The following C9 variants were observed in gnomAD, a reference collection of about 807,000 sequenced individuals.
C9 encodes complement component C9.
Under a neutral mutation model 65.4 loss-of-function variants are expected in C9, and 63 were observed. The observed-to-expected ratio is 0.96, with a 90% CI of 0.79 to 1.19. C9 has a LOEUF of 1.19. C9 is among the 50% of genes most tolerant of loss of function. The pLI, the probability that C9 is intolerant of heterozygous loss-of-function variation, is 0.00. For missense variants in C9, 744 were observed against 670.1 expected, an observed-to-expected ratio of 1.11 and a Z score of -1.22; for synonymous variants, 229 against 227.9, an observed-to-expected ratio of 1.00 and a Z score of -0.04.
At chr5:39,306,483 T>C (rs934210794) in intron 9 of C9, 134 bp downstream of exon 9, 63 of 758,360 alleles carry the variant, frequency 8.3e-5, no homozygotes, top group Non-Finnish European at 1.3e-4. Flanking sequence ...CCATGCCTCC[T>C]TTTGGGGAAG....
At chr5:39,359,073 TG>T (rs1310572053) in intron 1 of C9, among the ~76,000 whole-genome samples, 1 of 120,632 alleles carries the variant, frequency 8.3e-6, no homozygotes, top group Non-Finnish European at 1.7e-5. Context: ...TATATATATG[TG>T]TGTGTATATA....
chr5:39,289,533 C>G (rs955160558), intron 9 of C9, among the ~76,000 whole-genome samples: 4 of 151,754 alleles, frequency 2.6e-5, no homozygotes, highest in Non-Finnish European at 4.4e-5. Context: ...GAGATTCCTC[C>G]AGAATAGAAA....
chr5:39,331,838 A>G (rs1753846335), intron 4 of C9, 24 bp from the exon 5 acceptor site: 2 of 1,609,942 alleles, frequency 1.2e-6, no homozygotes, highest in African/African-American at 1.3e-5. Flanking sequence ...GAGTAGTATC[A>G]GAAGTGGAAA....
intron 10 of C9, among the ~76,000 whole-genome samples, chr5:39,287,681 G>A (rs1753015692): frequency 6.6e-6 from 1 of 151,982 alleles, no homozygotes; most frequent in African/African-American, 2.4e-5. Context: ...GAGCAACATG[G>A]TTGGAGCTGG....
intron 7 of C9, 60 bp downstream of exon 7, chr5:39,311,077 G>A (rs1753473480): frequency 4.4e-6 from 7 of 1,582,316 alleles, no homozygotes; most frequent in African/African-American, 2.7e-5. Flanking sequence ...ACAGGTTGGT[G>A]AACAAAATAA....
chr5:39,341,147 C>T lies in C9; in HGVS notation c.475G>A (p.Gly159Arg), dbSNP rs756265565. The stretch of plus-strand genomic sequence containing the variant: ...AAAAAGTACAAGTAAAATACACACC[C>T]ATAGCCTGCTGTTCGTGCCAGCTCA... ...ESELARTAGY[G>R]INILGMDPLS... The change falls in exon 4 of 11, where the codon GGG becomes AGG. Residue 159 changes from glycine to arginine, a missense_variant and splice_region_variant. Gly to Arg is a moderately radical substitution (Grantham distance 125). Coordinates refer to ENST00000263408, the MANE Select transcript of C9 (RefSeq NM_001737.5). 7 of 1,614,150 alleles carry T rather than the reference C, an allele frequency of 4.3e-6. No homozygotes were observed. The highest frequency in any genetic ancestry group is 1.7e-5 in the Admixed American group (1 of 60,018).
intron 4 of C9, among the ~76,000 whole-genome samples, chr5:39,334,176 T>C (rs537300439): frequency 1.3e-5 from 2 of 150,854 alleles, no homozygotes; most frequent in African/African-American, 4.9e-5. Context: ...GGAGCGCCTC[T>C]TCCCGGCCGC....
chr5:39,311,016 T>G (rs1490490803), intron 7 of C9, 121 bp downstream of exon 7: 1 of 1,113,088 alleles, frequency 9.0e-7, no homozygotes, highest in Non-Finnish European at 1.4e-6. Flanking sequence ...GAGAGTCCTC[T>G]CAAAGGAGCA....
chr5:39,362,480 G>A (rs975245233), intron 1 of C9, among the ~76,000 whole-genome samples: 1 of 152,112 alleles, frequency 6.6e-6, no homozygotes, highest in Non-Finnish European at 1.5e-5. Context: ...AGGGAGCACG[G>A]CCCTGCCAAC....
chr5:39,288,722 C>T lies in C9; in HGVS notation c.1645+1G>A, dbSNP rs768266758. 3 of 1,577,032 alleles carry T rather than the reference C, an allele frequency of 1.9e-6. No homozygotes were observed. The highest frequency in any genetic ancestry group is 2.7e-5 in the African/African-American group (2 of 74,040). ...AATCACATCAAATAAATTGTCCTCA[C>T]CTTCAGAAATTTTTTGTTTACTGAT... On this transcript the variant is annotated splice_donor_variant, in intron 10 of 10. Transcript: ENST00000263408. LOFTEE classifies it high-confidence loss of function.
chr5:39,300,431 AAAG>A (rs1200384047), intron 9 of C9, among the ~76,000 whole-genome samples: 5 of 152,114 alleles, frequency 3.3e-5, no homozygotes, highest in African/African-American at 9.7e-5. Context: ...AACAAAAAGA[AAAG>A]AAGCAAAAAG....
intron 4 of C9, 58 bp from the exon 5 acceptor site, chr5:39,331,872 C>T (rs1753847350): frequency 6.7e-7 from 1 of 1,482,780 alleles, no homozygotes; most frequent in South Asian, 1.1e-5. Flanking sequence ...TGCAAGGCAG[C>T]CCTCTGTAGC....
rs529792105 is a variant in C9 at position 39,306,849 on chromosome 5, T to A, written c.1241-57A>T. 2.5e-6 allele frequency: 3 copies of A among 1,197,334 alleles called. No homozygotes were observed. In the South Asian group the frequency reaches 3.6e-5, roughly 15 times the overall value. The allele number at this position is 1,197,334 out of a possible 1,614,324, so 74.2% of individuals were successfully genotyped here. A position where few individuals can be genotyped will look rare whatever the true frequency, so the allele number is the denominator to read the frequency against. On this transcript the variant is annotated intron_variant, in intron 8 of 10. Transcript: ENST00000263408. The stretch of plus-strand genomic sequence containing the variant: ...AGAAGAAGTTTAAAGAGAAGCCAGT[T>A]ATCAAAAGGACATATGATAAACATT...
intron 9 of C9, among the ~76,000 whole-genome samples, chr5:39,292,242 A>C (rs571002243): frequency 6.6e-6 from 1 of 151,666 alleles, no homozygotes; most frequent in Non-Finnish European, 1.5e-5. Context: ...CTACAAGCAG[A>C]AGGTCAAAGA....
chr5:39,299,514 G>A (rs767880681), intron 9 of C9, among the ~76,000 whole-genome samples: 3 of 152,102 alleles, frequency 2.0e-5, no homozygotes, highest in Non-Finnish European at 2.9e-5. Flanking sequence ...CAATGAAAAT[G>A]AAAGGAACTA....
Position 39,315,833 on chromosome 5 carries a change from C to T in C9, c.812G>A (p.Arg271Gln), listed in dbSNP as rs200524188. ...AGTTTCATTTTTGGAATATGAAAAC[C>T]GAAAACTACCCTTGCCATGTAAAGA... ...SISLHGKGSF[R>Q]FSYSKNETYQ... The change falls in exon 6 of 11, where the codon CGG becomes CAG. Residue 271 changes from arginine to glutamine, a missense_variant. Transcript: ENST00000263408. The T allele has an allele frequency of 6.5e-5, 104 of 1,609,944 alleles. No homozygotes were observed. Among genetic ancestry groups the T allele is most frequent in the East Asian group, 1.1e-4 (5 of 44,800 alleles).
chr5:39,358,713 C>T lies in C9; in HGVS notation c.77+5675G>A, dbSNP rs190281617. On this transcript the variant is annotated intron_variant, in intron 1 of 10. Transcript: ENST00000263408. ...TTTAAAGATAGTACCGGGCCGGGCG[C>T]GGTGGCTCACGTCTGTAATCCCAGC... Among the ~76,000 whole-genome samples the T allele has an allele frequency of 1.0e-3, 157 of 151,932 alleles. 1 individual carries two copies. Among genetic ancestry groups the T allele is most frequent in the African/African-American group, 3.3e-3 (136 of 41,444 alleles).
At chr5:39,337,239 C>A (rs1472321115) in intron 4 of C9, among the ~76,000 whole-genome samples, 2 of 152,026 alleles carry the variant, frequency 1.3e-5, no homozygotes, top group Non-Finnish European at 2.9e-5. Flanking sequence ...ATTTGTCTGC[C>A]CTTGGAAAGT....
chr5:39,301,579 T>A (rs1190963450), intron 9 of C9, among the ~76,000 whole-genome samples: 7 of 152,142 alleles, frequency 4.6e-5, no homozygotes, highest in African/African-American at 1.7e-4. Flanking sequence ...AATATTACTC[T>A]CTGTACTATT....
Sources: allele counts gnomAD v4.1 joint callset (sites outside exome capture counted in the v4.1 genomes callset), GRCh38; gene constraint gnomAD v4.1.1; transcripts MANE v1.5; gene names NCBI Gene and HGNC (gene_info 2026-07-23, HGNC 2026-07-21).